Variants in PBX1 observed in about 807,000 individuals in gnomAD.
The protein encoded by PBX1 is pre-B-cell leukemia transcription factor 1.
Under a neutral mutation model 53.4 loss-of-function variants are expected in PBX1, and 6 were observed. The ratio of observed to expected loss-of-function variants is 0.11; its 90% confidence interval spans 0.06 to 0.22. The LOEUF is 0.22. Ranked by LOEUF, PBX1 falls within the 10% of genes least tolerant of loss-of-function variation. PBX1 has a pLI of 1.00. For synonymous variants in PBX1, 204 were observed against 212.3 expected (o/e 0.96, Z 0.34); for missense variants, 251 against 551.4 (o/e 0.46, Z 5.46).
chr1:164,589,651 A>G (rs934033546), intron 2 of PBX1, among the ~76,000 whole-genome samples: 1 of 152,152 alleles, frequency 6.6e-6, no homozygotes, highest in Non-Finnish European at 1.5e-5. Flanking sequence ...ATGCCTGCTC[A>G]TCCATCCTTC....
chr1:164,623,244 T>C (rs190195165), intron 2 of PBX1, among the ~76,000 whole-genome samples: 3 of 152,230 alleles, frequency 2.0e-5, no homozygotes, highest in Non-Finnish European at 2.9e-5. Context: ...TATAGATAGA[T>C]AGAGATATCT....
At chr1:164,614,305 G>C (rs1657127773) in intron 2 of PBX1, among the ~76,000 whole-genome samples, 1 of 152,190 alleles carries the variant, frequency 6.6e-6, no homozygotes, top group African/African-American at 2.4e-5. Flanking sequence ...CGAGGACACA[G>C]ACCTACTTTA....
intron 2 of PBX1, among the ~76,000 whole-genome samples, chr1:164,677,872 T>C (rs1051665597): frequency 6.6e-6 from 1 of 152,058 alleles, no homozygotes. Flanking sequence ...TAGGATGGCA[T>C]TAGTAGGGTC....
chr1:164,830,045 G>T (rs1380741690), intron 8 of PBX1: 1 of 151,878 alleles, frequency 6.6e-6, no homozygotes, highest in Non-Finnish European at 1.5e-5. Flanking sequence ...GCCACTTTTG[G>T]CCAGTGGCTA....
intron 2 of PBX1, among the ~76,000 whole-genome samples, chr1:164,597,671 T>C (rs1416685445): frequency 6.6e-6 from 1 of 152,196 alleles, no homozygotes; most frequent in East Asian, 1.9e-4. Context: ...GTTTCTGCTA[T>C]ATTTTAGGAC....
intron 2 of PBX1, among the ~76,000 whole-genome samples, chr1:164,670,467 T>C (rs1661052552): frequency 6.6e-6 from 1 of 152,190 alleles, no homozygotes; most frequent in Admixed American, 6.5e-5. Flanking sequence ...CCCGTGTGAC[T>C]CCTGTATTTA....
At chr1:164,757,336 C>A (rs562843361) in intron 2 of PBX1, among the ~76,000 whole-genome samples, 43 of 152,044 alleles carry the variant, frequency 2.8e-4, no homozygotes, top group Non-Finnish European at 4.7e-4. Context: ...TAACATAACA[C>A]CTGGAAATTT....
At chr1:164,616,186 A>G (rs982815938) in intron 2 of PBX1, among the ~76,000 whole-genome samples, 2 of 151,726 alleles carry the variant, frequency 1.3e-5, no homozygotes, top group Non-Finnish European at 1.5e-5. Context: ...ATGCCCGGGG[A>G]TGATTCCGTG....
chr1:164,590,442 AGCT>A (rs1557877730), intron 2 of PBX1: 5 of 455,900 alleles, frequency 1.1e-5, no homozygotes, highest in African/African-American at 8.0e-5. Flanking sequence ...CAGGTAAACA[AGCT>A]GCTCTGTGGG....
chr1:164,704,763 G>A (rs985470671), intron 2 of PBX1, among the ~76,000 whole-genome samples: 2 of 152,080 alleles, frequency 1.3e-5, no homozygotes, highest in Admixed American at 1.3e-4. Context: ...TCTGTTCATT[G>A]AAGGATGTCT....
chr1:164,708,383 T>TA (rs11372613), intron 2 of PBX1, among the ~76,000 whole-genome samples: 139,246 of 151,884 alleles, frequency 0.92, 64,208 homozygotes, highest in Admixed American at 0.97. Flanking sequence ...AGTCTTTTTT[T>TA]AAAAAAAATA....
chr1:164,600,772 A>G (rs1481523271), intron 2 of PBX1, among the ~76,000 whole-genome samples: 1 of 152,196 alleles, frequency 6.6e-6, no homozygotes, highest in Admixed American at 6.5e-5. Context: ...CTTCATCCCT[A>G]AAGTGGTCAA....
chr1:164,688,282 C>T (rs1366154033), intron 2 of PBX1, among the ~76,000 whole-genome samples: 1 of 152,118 alleles, frequency 6.6e-6, no homozygotes, highest in Non-Finnish European at 1.5e-5. Context: ...TTCCTCAGTT[C>T]GGTAAAGTAT....
At position 164,847,740 on chromosome 1, in the gene PBX1, G is replaced by C; in HGVS notation, c.*1064G>C. 1 of 1,053,240 alleles carries C rather than the reference G, an allele frequency of 9.5e-7. No individual in the cohort carries two copies. Among genetic ancestry groups the C allele is most frequent in the Non-Finnish European group, 1.1e-6 (1 of 871,736 alleles). 65.2% of individuals were successfully genotyped at this position (1,053,240 alleles called of 1,614,324 possible). A position where few individuals can be genotyped will look rare whatever the true frequency, so the allele number is the denominator to read the frequency against. ...CTATGCCTTTTGAGCCCGAGAGAGG[G>C]AATTAGTGACTCTAAGTGAAGGTCA... On this transcript the variant is annotated 3_prime_UTR_variant, in exon 9 of 9. Coordinates refer to ENST00000420696, the MANE Select transcript of PBX1 (RefSeq NM_002585.4).
intron 8 of PBX1, among the ~76,000 whole-genome samples, chr1:164,841,623 A>G (rs1351215974): frequency 6.6e-6 from 1 of 152,094 alleles, no homozygotes; most frequent in East Asian, 1.9e-4. Context: ...CATCTTTTCA[A>G]AGTGCTGTCT....
intron 2 of PBX1, among the ~76,000 whole-genome samples, chr1:164,624,073 T>A (rs1484616451): frequency 6.6e-6 from 1 of 152,254 alleles, no homozygotes; most frequent in Admixed American, 6.5e-5. Context: ...GTAGCATTGC[T>A]GTCTTGTCAT....
intron 2 of PBX1, among the ~76,000 whole-genome samples, chr1:164,711,389 G>A (rs998645135): frequency 1.3e-5 from 2 of 152,046 alleles, no homozygotes; most frequent in African/African-American, 2.4e-5. Flanking sequence ...TCAGCCTCCC[G>A]AGTAGCTGGG....
At chr1:164,591,713 C>T (rs970899731) in intron 2 of PBX1, among the ~76,000 whole-genome samples, 6 of 152,192 alleles carry the variant, frequency 3.9e-5, no homozygotes, top group Non-Finnish European at 8.8e-5. Context: ...CTAACCCAGG[C>T]TTTGTATGGC....
intron 2 of PBX1, among the ~76,000 whole-genome samples, chr1:164,599,507 AATAGTTCAAACCC>A (rs1656017491): frequency 6.6e-6 from 1 of 152,196 alleles, no homozygotes; most frequent in South Asian, 2.1e-4. Context: ...GGGAAGGGTT[AATAGTTCAAACCC>A]ATTGTTTTTC....
Sources: gnomAD v4.1 joint callset for allele counts (sites outside exome capture counted in the v4.1 genomes callset) on GRCh38, gnomAD v4.1.1 for gene constraint, MANE v1.5 for transcripts, NCBI Gene and HGNC (gene_info 2026-07-23, HGNC 2026-07-21) for gene names.